GALK2: variants seen among roughly 807,000 people sequenced by gnomAD.
GALK2 encodes galactokinase 2.
Under a neutral mutation model 52.4 loss-of-function variants are expected in GALK2, and 36 were observed. The ratio of observed to expected loss-of-function variants is 0.69; its 90% confidence interval spans 0.53 to 0.91. The LOEUF (loss-of-function observed/expected upper bound fraction) is 0.91, where lower values mean the gene tolerates loss of function less well. GALK2 is among the 40% of genes least tolerant of loss of function. The pLI is 0.00. For synonymous variants in GALK2, 176 were observed against 199.1 expected, an observed-to-expected ratio of 0.88 and a Z score of 0.98; for missense variants, 579 against 559.1, an observed-to-expected ratio of 1.04 and a Z score of -0.36.
intron 3 of GALK2, among the ~76,000 whole-genome samples, chr15:49,349,495 C>T (rs1289502277): frequency 6.6e-6 from 1 of 151,970 alleles, no homozygotes; most frequent in Non-Finnish European, 1.5e-5. Flanking sequence ...TATGCCTTGC[C>T]AATATTTTTA....
chr15:49,292,482 G>C lies in GALK2; in HGVS notation c.912G>C (p.Leu304=). 3 of 1,614,014 alleles carry C rather than the reference G, an allele frequency of 1.9e-6. No homozygotes were observed. Among genetic ancestry groups the C allele is most frequent in the Non-Finnish European group, 2.5e-6 (3 of 1,179,962 alleles). ...ACCCTGAGGAGATCTGCAGGTGTCT[G>C]GGAATTAGCCTGGAGGAACTCCGAA... ...PYNPEEICRC[L]GISLEELRTQ... Residue 304 remains leucine (L), a synonymous_variant, in exon 8 of 10, where the codon CTG becomes CTC. Coordinates refer to ENST00000560031, the MANE Select transcript of GALK2 (RefSeq NM_002044.4).
At chr15:49,269,631 T>C (rs781094509) in intron 5 of GALK2, among the ~76,000 whole-genome samples, 1 of 152,150 alleles carries the variant, frequency 6.6e-6, no homozygotes, top group Non-Finnish European at 1.5e-5. Context: ...AGTTTTTCCC[T>C]AGGAATTGAA....
intron 1 of GALK2, among the ~76,000 whole-genome samples, chr15:49,182,481 C>G (rs1473519810): frequency 6.6e-6 from 1 of 152,108 alleles, no homozygotes; most frequent in East Asian, 1.9e-4. Context: ...TTTCAATACA[C>G]CGATTTCCTT....
chr15:49,328,913 T>TTAGA lies in GALK2; in HGVS notation c.*757_*760dup. ...TATCTCCATTACTTAATAGAAAAACTTAGATAAAAAACACTTTAAGACTCT... is the reference window on the plus strand; with the variant it reads ...TATCTCCATTACTTAATAGAAAAACTTAGATAGATAAAAAACACTTTAAGACTCT... On this transcript the variant is annotated 3_prime_UTR_variant, in exon 10 of 10. Coordinates refer to ENST00000560031, the MANE Select transcript of GALK2 (RefSeq NM_002044.4). 1 of 1,226,424 alleles carries TTAGA rather than the reference T, an allele frequency of 8.2e-7. No individual in the cohort carries two copies. Among genetic ancestry groups the TTAGA allele is most frequent in the East Asian group, 3.1e-5 (1 of 32,036 alleles). 76.0% of individuals were successfully genotyped at this position (1,226,424 alleles called of 1,614,324 possible).
At chr15:49,228,688 T>TATATATATGTATATATATATATATATACA in intron 3 of GALK2, among the ~76,000 whole-genome samples, 1 of 10,452 alleles carries the variant, frequency 9.6e-5, no homozygotes, top group African/African-American at 3.4e-4. Flanking sequence ...TATATATATA[T>TATATATATGTATATATATATATATATACA]TTTTTTTTTT....
At chr15:49,365,453 CA>C (rs1200232613) in intron 3 of GALK2, 1 of 908,450 alleles carries the variant, frequency 1.1e-6, no homozygotes, top group African/African-American at 1.6e-5. Flanking sequence ...ATAATGTCTC[CA>C]AAGCCCAATA....
upstream of GALK2, among the ~76,000 whole-genome samples, chr15:49,165,441 G>C (rs1485864689): frequency 6.6e-6 from 1 of 152,126 alleles, no homozygotes; most frequent in Non-Finnish European, 1.5e-5. Flanking sequence ...CATTCCTTGA[G>C]TGCCTGCTCA....
intron 1 of GALK2, among the ~76,000 whole-genome samples, chr15:49,157,887 T>A (rs2084513305): frequency 6.6e-6 from 1 of 152,304 alleles, no homozygotes; most frequent in Admixed American, 6.5e-5. Context: ...TATGTCCTCT[T>A]TGAGATTGAA....
intron 2 of GALK2, among the ~76,000 whole-genome samples, chr15:49,207,551 G>T (rs1454448180): frequency 6.6e-6 from 1 of 152,104 alleles, no homozygotes; most frequent in Admixed American, 6.5e-5. Context: ...TCTGTTCAGG[G>T]TATCTAATTC....
chr15:49,262,763 G>A lies in GALK2; in HGVS notation c.505-19224G>A, dbSNP rs550365291. ...GAATGCATCCCAGAGATTCTGGTAT[G>A]TTGTGTCTTTGTTCTCGTTGGTTTC... On this transcript the variant is annotated intron_variant, in intron 5 of 9. Transcript: ENST00000560031. Among the ~76,000 whole-genome samples, 24 of 146,184 alleles carry A rather than the reference G, an allele frequency of 1.6e-4. No homozygotes were observed. In the South Asian group the frequency reaches 4.9e-3, roughly 30 times the overall value.
chr15:49,210,496 A>G (rs1233474452), intron 2 of GALK2, among the ~76,000 whole-genome samples: 1 of 151,014 alleles, frequency 6.6e-6, no homozygotes, highest in African/African-American at 2.4e-5. Flanking sequence ...CTGGAGTGCA[A>G]TGGTGCGATC....
chr15:49,216,183 T>C (rs902166735), intron 2 of GALK2, among the ~76,000 whole-genome samples: 2 of 152,166 alleles, frequency 1.3e-5, no homozygotes, highest in African/African-American at 4.8e-5. Context: ...ACCTGAAGCC[T>C]GTATAATACT....
chr15:49,318,613 A>G (rs79453279), intron 8 of GALK2, among the ~76,000 whole-genome samples: 2,616 of 152,250 alleles, frequency 0.017, 95 homozygotes, highest in African/African-American at 0.06. Context: ...ATTTTCTTCT[A>G]TGATAAATAA....
intron 5 of GALK2, among the ~76,000 whole-genome samples, chr15:49,256,901 A>T (rs1006720638): frequency 1.3e-5 from 2 of 152,184 alleles, no homozygotes; most frequent in South Asian, 4.1e-4. Context: ...TGAATTAATT[A>T]AAAAAATGTA....
chr15:49,157,013 A>G (rs1362713077), intron 1 of GALK2, among the ~76,000 whole-genome samples: 1 of 152,202 alleles, frequency 6.6e-6, no homozygotes, highest in African/African-American at 2.4e-5. Context: ...AGATTGCCAT[A>G]GACTGTATTT....
At chr15:49,338,779 TG>T (rs2040212352) in intron 3 of GALK2, among the ~76,000 whole-genome samples, 1 of 152,232 alleles carries the variant, frequency 6.6e-6, no homozygotes, top group South Asian at 2.1e-4. Flanking sequence ...ATTGTAGATT[TG>T]GTCTTTTCAC....
chr15:49,260,384 A>G (rs539094085), intron 5 of GALK2, among the ~76,000 whole-genome samples: 2 of 151,152 alleles, frequency 1.3e-5, no homozygotes, highest in African/African-American at 2.4e-5. Flanking sequence ...GTGTCTGTTC[A>G]TGTCCTTCGC....
chr15:49,319,825 G>A lies in GALK2; in HGVS notation c.1169+20G>A, dbSNP rs781045458. ...CTGTCGGTGAGGCAGCCTGGTGGGG[G>A]CCAAGGGATGCCATCAAATAATATT... On this transcript the variant is annotated intron_variant, in intron 9 of 9. Transcript: ENST00000560031. 5 of 1,591,846 alleles carry A rather than the reference G, an allele frequency of 3.1e-6. No homozygotes were observed. The highest frequency in any genetic ancestry group is 1.7e-5 in the Admixed American group (1 of 58,892).
chr15:49,161,849 G>C (rs138392380), intron 1 of GALK2: 5,674 of 155,908 alleles, frequency 0.036, 215 homozygotes, highest in African/African-American at 0.091. Context: ...CTCCCTAGAA[G>C]CTGGAATTAC....
Sources: allele counts gnomAD v4.1 joint callset (sites outside exome capture counted in the v4.1 genomes callset), GRCh38; gene constraint gnomAD v4.1.1; transcripts MANE v1.5; gene names NCBI Gene and HGNC (gene_info 2026-07-23, HGNC 2026-07-21).